The following GLYATL2 variants were observed in gnomAD, a reference collection of about 807,000 sequenced individuals.
The protein encoded by GLYATL2 is glycine N-acyltransferase-like protein 2.
A neutral mutation model predicts 21.4 loss-of-function variants in GLYATL2; 25 were observed. That is an observed-to-expected ratio of 1.17 (90% CI 0.85 to 1.63). The LOEUF is 1.63. Among genes scored for constraint, GLYATL2 ranks in the 40% most tolerant of loss-of-function variants. The pLI, the probability that GLYATL2 is intolerant of heterozygous loss-of-function variation, is 0.00. For missense variants in GLYATL2, 361 were observed against 343.3 expected (o/e 1.05, Z -0.41); for synonymous variants, 114 against 118.2 (o/e 0.96, Z 0.23).
chr11:58,893,705 G>T (rs1027544436), intron 1 of GLYATL2, among the ~76,000 whole-genome samples: 2 of 152,116 alleles, frequency 1.3e-5, no homozygotes, highest in African/African-American at 4.8e-5. Flanking sequence ...GAAGGAAGGG[G>T]TTACCAGTAA....
intron 1 of GLYATL2, among the ~76,000 whole-genome samples, chr11:58,898,007 G>C (rs1474507294): frequency 6.6e-6 from 1 of 152,048 alleles, no homozygotes; most frequent in Non-Finnish European, 1.5e-5. Context: ...CTCCACTATG[G>C]AGTCTTATTA....
At chr11:58,898,482 C>T (rs1315170002) in intron 1 of GLYATL2, among the ~76,000 whole-genome samples, 2 of 146,762 alleles carry the variant, frequency 1.4e-5, no homozygotes, top group African/African-American at 2.5e-5. Flanking sequence ...ATTGTTTCCT[C>T]TTTTTTTTTT....
At chr11:58,875,826 A>G (rs997112793) in intron 1 of GLYATL2, among the ~76,000 whole-genome samples, 6 of 152,134 alleles carry the variant, frequency 3.9e-5, no homozygotes, top group Non-Finnish European at 8.8e-5. Flanking sequence ...CCTGAATCTG[A>G]ATGTTGGCCT....
intron 1 of GLYATL2, among the ~76,000 whole-genome samples, chr11:58,902,240 C>A (rs1447856387): frequency 6.6e-6 from 1 of 152,136 alleles, no homozygotes; most frequent in Non-Finnish European, 1.5e-5. Flanking sequence ...AAAACCATCT[C>A]ATCTAAGCTT....
At chr11:58,841,975 G>T (rs1433945492) in intron 1 of GLYATL2, among the ~76,000 whole-genome samples, 1 of 152,120 alleles carries the variant, frequency 6.6e-6, no homozygotes, top group Admixed American at 6.5e-5. Flanking sequence ...TGAGAATATC[G>T]AAGGACAGAG....
At chr11:58,879,267 C>A (rs771143901) in intron 1 of GLYATL2, among the ~76,000 whole-genome samples, 3 of 152,074 alleles carry the variant, frequency 2.0e-5, no homozygotes, top group Non-Finnish European at 4.4e-5. Context: ...CACATTCTTT[C>A]ACTACCCAAA....
chr11:58,883,321 C>A lies in GLYATL2; in HGVS notation n.60+20835G>T, dbSNP rs188956439. Among the ~76,000 whole-genome samples the A allele has an allele frequency of 4.1e-4, 63 of 151,880 alleles. No individual in the cohort carries two copies. In the Middle Eastern group the frequency reaches 0.014, roughly 33 times the overall value. The stretch of plus-strand genomic sequence containing the variant: ...ATCAACAAAATTGATAGACCAATAG[C>A]AAGACTAATAAAGAAGAAAAGAAAG... On this transcript the variant is annotated intron_variant and non_coding_transcript_variant, in intron 1 of 4. Transcript: ENST00000533636.
rs1023568114 is a variant in GLYATL2 at position 58,867,099 on chromosome 11, C to G, written n.61-28731G>C. Among the ~76,000 whole-genome samples the G allele has an allele frequency of 4.0e-5, 6 of 149,060 alleles. 1 individual carries two copies. The highest frequency in any genetic ancestry group is 1.2e-4 in the African/African-American group (5 of 41,248). The stretch of plus-strand genomic sequence containing the variant: ...GACACTCAGCCATGCGGTTCCCATT[C>G]CCTGCCATGAGCAAGAGTTTTAGGG... On this transcript the variant is annotated intron_variant and non_coding_transcript_variant, in intron 1 of 4. Coordinates refer to the GLYATL2 transcript ENST00000533636.
intron 1 of GLYATL2, chr11:58,892,974 C>A (rs535137528): frequency 1.3e-5 from 4 of 302,546 alleles, no homozygotes. Flanking sequence ...GGTCAAAATA[C>A]GCAACTTTGC....
intron 5 of GLYATL2, among the ~76,000 whole-genome samples, chr11:58,835,503 A>T (rs1294227845): frequency 1.3e-5 from 2 of 152,164 alleles, no homozygotes; most frequent in Non-Finnish European, 2.9e-5. Flanking sequence ...TTACAGTAAT[A>T]TCATCTGTAA....
Position 58,837,297 on chromosome 11 carries a change from C to T in GLYATL2, c.287G>A (p.Ser96Asn), listed in dbSNP as rs779787235. 4 of 1,613,958 alleles carry T rather than the reference C, an allele frequency of 2.5e-6. No individual in the cohort carries two copies. Among genetic ancestry groups the T allele is most frequent in the African/African-American group, 1.3e-5 (1 of 75,044 alleles). ...TTGGATCTGCAAAGTTTGCTCCCAG[C>T]TGATTACATTGGAGTATGACAGGAC... ...EEVLSYSNVI[S>N]WEQTLQIQGC... is the part of the protein sequence containing the mutation. Residue 96 changes from serine to asparagine, a missense_variant, in exon 4 of 6, where the codon AGC becomes AAC. Coordinates refer to ENST00000287275, the MANE Select transcript of GLYATL2 (RefSeq NM_145016.4).
At chr11:58,871,701 G>A (rs1166750448) in intron 1 of GLYATL2, among the ~76,000 whole-genome samples, 5 of 152,086 alleles carry the variant, frequency 3.3e-5, no homozygotes, top group South Asian at 2.1e-4. Context: ...CATTTGGGTT[G>A]GTTCCAAGTC....
At chr11:58,890,404 G>A (rs1854520962) in intron 1 of GLYATL2, among the ~76,000 whole-genome samples, 1 of 152,062 alleles carries the variant, frequency 6.6e-6, no homozygotes, top group Non-Finnish European at 1.5e-5. Flanking sequence ...CAATAGGAAA[G>A]AAATGAAATC....
intron 1 of GLYATL2, among the ~76,000 whole-genome samples, chr11:58,873,787 G>A (rs3020906): frequency 0.86 from 131,574 of 152,112 alleles, 58,262 homozygotes; most frequent in Non-Finnish European, 0.96. Context: ...GTATCAGGAT[G>A]ATGCTGGCCT....
rs1207534428 is a variant in GLYATL2 at position 58,854,516 on chromosome 11, C to T, written n.61-16148G>A. Reference sequence around the variant, plus strand: ...CTAAAAATGCTAAGGATAATCTGAGCTTTCAAAGAGTTGCAATCTTTTTTG... The same window carrying T: ...CTAAAAATGCTAAGGATAATCTGAGTTTTCAAAGAGTTGCAATCTTTTTTG... On this transcript the variant is annotated intron_variant and non_coding_transcript_variant, in intron 1 of 4. Coordinates refer to the GLYATL2 transcript ENST00000533636. Among the ~76,000 whole-genome samples the T allele has an allele frequency of 2.6e-5, 4 of 152,194 alleles. No homozygotes were observed. The South Asian group carries it at 6.2e-4, about 24-fold the overall frequency.
chr11:58,834,245 T>G lies in GLYATL2; in HGVS notation c.*184A>C. 1 of 444,096 alleles carries G rather than the reference T, an allele frequency of 2.3e-6. No individual in the cohort carries two copies. Among genetic ancestry groups the G allele is most frequent in the Non-Finnish European group, 3.9e-6 (1 of 257,332 alleles). 27.5% of individuals were successfully genotyped at this position (444,096 alleles called of 1,614,324 possible). A position where few individuals can be genotyped will look rare whatever the true frequency, so the allele number is the denominator to read the frequency against. ...AAAGGAAATTATGAGACCATAAAAT[T>G]GAGCTTCTAATTTTCTGTAAGAATA... On this transcript the variant is annotated 3_prime_UTR_variant, in exon 6 of 6. Transcript: ENST00000287275.
intron 3 of GLYATL2, among the ~76,000 whole-genome samples, chr11:58,837,725 G>A (rs1166886687): frequency 6.6e-6 from 1 of 152,174 alleles, no homozygotes; most frequent in Admixed American, 6.5e-5. Flanking sequence ...TAAAGAACAG[G>A]TTTGGCAAGG....
At chr11:58,900,268 T>G (rs1466411474) in intron 1 of GLYATL2, among the ~76,000 whole-genome samples, 1 of 152,200 alleles carries the variant, frequency 6.6e-6, no homozygotes, top group African/African-American at 2.4e-5. Context: ...CTCTGCAAAA[T>G]AAGAGACCTT....
rs775634096 is a variant in GLYATL2, at chr11:58,839,541, G to A, written c.72C>T (p.Ser24=). The change falls in exon 2 of 6, where the codon TCC becomes TCT. Residue 24 remains serine, a synonymous_variant. Coordinates refer to ENST00000287275, the MANE Select transcript of GLYATL2 (RefSeq NM_145016.4). ...YKSLEKSIPE[S]IKVYGAIFNI... ...TCTCCTCCTACTCCGTTACCTTTAT[G>A]GATTCAGGGATGCTCTTTTCTAAGG... 5.6e-6 allele frequency: 9 copies of A among 1,604,130 alleles called. No individual in the cohort carries two copies. The East Asian group carries it at 1.8e-4, about 32-fold the overall frequency.
Sources: allele counts gnomAD v4.1 joint callset (sites outside exome capture counted in the v4.1 genomes callset), GRCh38; gene constraint gnomAD v4.1.1; transcripts MANE v1.5; gene names NCBI Gene and HGNC (gene_info 2026-07-23, HGNC 2026-07-21).